The following KIDINS220 variants were observed in gnomAD, a reference collection of about 807,000 sequenced individuals.
The protein encoded by KIDINS220 is kinase D-interacting substrate of 220 kDa.
KIDINS220 carries 63 observed loss-of-function variants against 157.6 expected under a neutral mutation model. That is an observed-to-expected ratio of 0.40 (90% confidence interval 0.33 to 0.49). The LOEUF is 0.49. Ranked by LOEUF, KIDINS220 falls within the 20% of genes least tolerant of loss-of-function variation. The pLI is 0.66. For synonymous variants in KIDINS220, 732 were observed against 783.6 expected, an observed-to-expected ratio of 0.93 and a Z score of 1.10; for missense variants, 1,772 against 2,171.2, an observed-to-expected ratio of 0.82 and a Z score of 3.65.
At position 8,730,732 on chromosome 2, in the gene KIDINS220, T is replaced by C. The variant is rs13406422; in HGVS notation, c.5304A>G (p.Glu1768=). Residue 1768 remains glutamate, a synonymous_variant, in exon 30 of 30, where the codon GAA becomes GAG. Coordinates refer to ENST00000256707, the MANE Select transcript of KIDINS220 (RefSeq NM_020738.4). The part of the protein sequence containing the change: ...SESTGFGEER[E]SIL ...TTGCTTGTTTTTCTCAAAGAATGCT[T>C]TCTCTTTCTTCTCCAAAGCCTGTGC... The C allele has an allele frequency of 0.02, 31,566 of 1,612,648 alleles. 3,023 individuals are homozygous for C. In the East Asian group the frequency reaches 0.3, roughly 15 times the overall value.
intron 26 of KIDINS220, among the ~76,000 whole-genome samples, chr2:8,744,402 ATATATATATATATATATATATATATATAT>A (rs1666242260): frequency 3.0e-4 from 1 of 3,386 alleles, no homozygotes; most frequent in African/African-American, 8.7e-4. Context: ...TATATATATA[ATATATATATATATATATATATATATATAT>A]ATATATATAT....
intron 22 of KIDINS220, among the ~76,000 whole-genome samples, chr2:8,752,108 C>T (rs1667444688): frequency 6.6e-6 from 1 of 152,096 alleles, no homozygotes; most frequent in East Asian, 1.9e-4. Context: ...GCAACCTCTG[C>T]CTCCCAACTC....
intron 26 of KIDINS220, among the ~76,000 whole-genome samples, chr2:8,743,366 C>T (rs947265822): frequency 3.9e-5 from 6 of 152,132 alleles, no homozygotes; most frequent in African/African-American, 7.2e-5. Context: ...TTGAGTTCTG[C>T]GTCTTTAAGG....
chr2:8,786,310 G>A lies in KIDINS220; in HGVS notation c.1835C>T (p.Thr612Ile), dbSNP rs1672392466. 6.2e-7 allele frequency: 1 copy of A among 1,613,858 alleles called. No homozygotes were observed. The highest frequency in any genetic ancestry group is 1.3e-5 in the African/African-American group (1 of 74,878). Residue 612 changes from threonine (T) to isoleucine (I), a missense_variant, in exon 16 of 30, where the codon ACT becomes ATT. Thr to Ile is a moderately conservative substitution (Grantham distance 89). This residue lies in a region of KIDINS220 where 725 missense variants were observed against 1,017.1 expected (regional missense o/e 0.71). Coordinates refer to ENST00000256707, the MANE Select transcript of KIDINS220 (RefSeq NM_020738.4). ...GGTTGCAATCATTTCAGCCAGAGAA[G>A]TTTCTCCACCTACACTGGACAGTCT... The part of the protein sequence containing the change: ...YNRLSSVGGE[T>I]SLAEMIATLS...
chr2:8,727,297 T>A (rs1482097835), downstream of KIDINS220: 6 of 1,043,836 alleles, frequency 5.7e-6, no homozygotes, highest in Non-Finnish European at 7.0e-6. Context: ...TAAAGGAGGC[T>A]CGATGCTCAG....
intron 17 of KIDINS220, among the ~76,000 whole-genome samples, chr2:8,784,198 AAAAAG>A (rs1283502791): frequency 2.0e-5 from 3 of 152,110 alleles, no homozygotes; most frequent in East Asian, 1.9e-4. Flanking sequence ...ACAAAAAAAA[AAAAAG>A]AAAAGAAGCA....
intron 6 of KIDINS220, among the ~76,000 whole-genome samples, chr2:8,807,931 G>T (rs1675718503): frequency 6.6e-6 from 1 of 152,132 alleles, no homozygotes; most frequent in East Asian, 1.9e-4. Flanking sequence ...AGACCAGCCT[G>T]GCCAACATGG....
intron 5 of KIDINS220, 94 bp from the exon 6 acceptor site, chr2:8,812,587 C>A (rs1360158511): frequency 5.5e-6 from 3 of 541,538 alleles, no homozygotes; most frequent in Non-Finnish European, 6.2e-6. Context: ...GAAATAAAAT[C>A]TTTTAGGTAG....
At chr2:8,798,078 G>A (rs1674210162) in intron 10 of KIDINS220, 124 bp downstream of exon 10, 2 of 604,148 alleles carry the variant, frequency 3.3e-6, no homozygotes, top group Admixed American at 3.1e-5. Flanking sequence ...TCCTCAATGT[G>A]ATAGAGAATA....
chr2:8,803,109 T>C lies in KIDINS220; in HGVS notation c.622A>G (p.Ile208Val), dbSNP rs1370154848. ...QEGANSMTAL[I>V]VAVKGGYTQS... ...GTGTAACCTCCTTTCACTGCCACAATAAGTGCAGTCATTGAATTCTAAAAA... is the reference window on the plus strand; with the variant it reads ...GTGTAACCTCCTTTCACTGCCACAACAAGTGCAGTCATTGAATTCTAAAAA... Residue 208 changes from isoleucine (I) to valine (V), a missense_variant, in exon 8 of 30, where the codon ATT becomes GTT. Ile to Val is a conservative substitution (Grantham distance 29). Transcript: ENST00000256707. 1.2e-6 allele frequency: 2 copies of C among 1,610,518 alleles called. No individual in the cohort carries two copies. Among genetic ancestry groups the C allele is most frequent in the Non-Finnish European group, 1.7e-6 (2 of 1,179,574 alleles).
chr2:8,737,003 G>A lies in KIDINS220; in HGVS notation c.3586-4C>T. On this transcript the variant is annotated splice_polypyrimidine_tract_variant and splice_region_variant and intron_variant, in intron 26 of 29. Transcript: ENST00000256707. ...GGCCTGGGGCTGGGCCTGACCCCTA[G>A]AGAAGTCAAGGAAAAATACAGGTAT... 1 of 1,613,806 alleles carries A rather than the reference G, an allele frequency of 6.2e-7. No individual in the cohort carries two copies. The highest frequency in any genetic ancestry group is 1.7e-4 in the Middle Eastern group (1 of 6,060).
At chr2:8,822,460 CA>C (rs1233824774) in intron 2 of KIDINS220, among the ~76,000 whole-genome samples, 2 of 151,752 alleles carry the variant, frequency 1.3e-5, no homozygotes, top group Admixed American at 6.6e-5. Flanking sequence ...TTCATCTCTA[CA>C]AAAAAAATTT....
chr2:8,817,615 T>C lies in KIDINS220; in HGVS notation c.306+3A>G. 6.4e-7 allele frequency: 1 copy of C among 1,561,894 alleles called. No individual in the cohort carries two copies. Among genetic ancestry groups the C allele is most frequent in the Non-Finnish European group, 8.8e-7 (1 of 1,139,540 alleles). ...AATTAAGAACATATAAAAATGTCCA[T>C]ACCATATCACGGTGCTCCAAGTTAA... is the stretch of plus-strand genomic sequence containing the variant. On this transcript the variant is annotated splice_donor_region_variant and intron_variant, in intron 4 of 29. Coordinates refer to ENST00000256707, the MANE Select transcript of KIDINS220 (RefSeq NM_020738.4).
At chr2:8,782,383 G>A (rs1671836142) in intron 17 of KIDINS220, among the ~76,000 whole-genome samples, 2 of 152,106 alleles carry the variant, frequency 1.3e-5, no homozygotes, top group Non-Finnish European at 2.9e-5. Context: ...CCTACCTCAT[G>A]GACAAAAATA....
rs1671451204 is a variant in KIDINS220 at position 8,779,762 on chromosome 2, C to T, written c.2282G>A (p.Ser761Asn). The T allele has an allele frequency of 5.0e-6, 8 of 1,614,052 alleles. No individual in the cohort carries two copies. Among genetic ancestry groups the T allele is most frequent in the South Asian group, 1.1e-5 (1 of 91,092 alleles). ...CAGCCTTGTCTGATTCTGAGTGAAG[C>T]TGTCAATGGTTTTTGCCATCCTGGC... Reference protein sequence around the residue: ...LMARMAKTIDSFTQNQTRLVV... With the variant: ...LMARMAKTIDNFTQNQTRLVV... The change falls in exon 18 of 30, where the codon AGC becomes AAC. Residue 761 changes from serine to asparagine, a missense_variant. This residue lies in a region of KIDINS220 where 725 missense variants were observed against 1,017.1 expected (regional missense o/e 0.71). Transcript: ENST00000256707.
intron 22 of KIDINS220, among the ~76,000 whole-genome samples, chr2:8,765,027 G>T (rs1248903951): frequency 6.6e-6 from 1 of 152,072 alleles, no homozygotes; most frequent in East Asian, 1.9e-4. Context: ...AGGATGGGGG[G>T]GCTTGGTAAC....
rs1663907176 is a variant in KIDINS220, at chr2:8,730,601, A to G, written c.*119T>C. 2.8e-6 allele frequency: 4 copies of G among 1,449,872 alleles called. No individual in the cohort carries two copies. Among genetic ancestry groups the G allele is most frequent in the African/African-American group, 2.8e-5 (2 of 70,400 alleles). The allele number at this position is 1,449,872 out of a possible 1,614,324, so 89.8% of individuals were successfully genotyped here. ...CAGATGTCTCTTTTACCTCGGCCTC[A>G]TCATCGGTTAGTTATCTGTCAGCAA... On this transcript the variant is annotated 3_prime_UTR_variant, in exon 30 of 30. Transcript: ENST00000256707.
intron 26 of KIDINS220, among the ~76,000 whole-genome samples, chr2:8,743,338 G>T (rs1665887859): frequency 6.6e-6 from 1 of 152,152 alleles, no homozygotes; most frequent in Non-Finnish European, 1.5e-5. Flanking sequence ...AGACAAAGAT[G>T]ATTTAACCAA....
downstream of KIDINS220, chr2:8,722,071 C>T (rs1662988933): frequency 6.6e-6 from 1 of 152,102 alleles, no homozygotes; most frequent in East Asian, 1.9e-4. Context: ...CCCATTAATA[C>T]TGATAGAGAT....
Sources: gnomAD v4.1 joint callset for allele counts (sites outside exome capture counted in the v4.1 genomes callset) on GRCh38, gnomAD v4.1.1 for gene constraint, gnomAD v4.1.1 regional missense constraint, MANE v1.5 for transcripts, NCBI Gene and HGNC (gene_info 2026-07-23, HGNC 2026-07-21) for gene names.